SPSB4: variants seen among roughly 807,000 people sequenced by gnomAD.
The protein encoded by SPSB4 is splA/ryanodine receptor domain and SOCS box containing 4.
A neutral mutation model predicts 20.9 loss-of-function variants in SPSB4; 21 were observed. The ratio of observed to expected loss-of-function variants is 1.01; its 90% CI spans 0.71 to 1.45. The LOEUF (loss-of-function observed/expected upper bound fraction) is 1.45. SPSB4 is among the 40% of genes most tolerant of loss of function. The probability of loss-of-function intolerance (pLI) is 0.00; values close to 1 mark genes in which losing one functional copy is unlikely to be tolerated. For synonymous variants in SPSB4, 207 were observed against 183.8 expected, an observed-to-expected ratio of 1.13 and a Z score of -1.02; for missense variants, 399 against 399.2, an observed-to-expected ratio of 1.00 and a Z score of 0.00.
intron 2 of SPSB4, among the ~76,000 whole-genome samples, chr3:141,146,728 T>C (rs1378235296): frequency 2.6e-5 from 4 of 150,984 alleles, no homozygotes; most frequent in East Asian, 2.0e-4. Flanking sequence ...GAGCCCAGAT[T>C]GTGCCACTGC....
At position 141,098,982 on chromosome 3, in the gene SPSB4, G is replaced by T. The variant is rs546184480; in HGVS notation, c.694+32184G>T. Among the ~76,000 whole-genome samples the T allele has an allele frequency of 2.6e-5, 4 of 152,114 alleles. No homozygotes were observed. The South Asian group carries it at 8.3e-4, about 32-fold the overall frequency. ...GAGCACATGAAAAAGAGACCAGATGGGGCCAGACATCCTTTTATCAGGAGG... is the reference window on the plus strand; with the variant it reads ...GAGCACATGAAAAAGAGACCAGATGTGGCCAGACATCCTTTTATCAGGAGG... On this transcript the variant is annotated intron_variant, in intron 2 of 2. Coordinates refer to ENST00000310546, the MANE Select transcript of SPSB4 (RefSeq NM_080862.3).
Position 141,147,468 on chromosome 3 carries a change from A to G in SPSB4, c.*199A>G. 1 of 842,610 alleles carries G rather than the reference A, an allele frequency of 1.2e-6. No individual in the cohort carries two copies. The highest frequency in any genetic ancestry group is 1.8e-6 in the Non-Finnish European group (1 of 570,130). 52.2% of individuals were successfully genotyped at this position (842,610 alleles called of 1,614,324 possible). The stretch of plus-strand genomic sequence containing the variant: ...TTGCCAACAGTATCTACTGCCCTCG[A>G]GGCAGCCCTCCCAAGTCAGACACCT... On this transcript the variant is annotated 3_prime_UTR_variant, in exon 3 of 3. Transcript: ENST00000310546.
At chr3:141,140,418 A>T (rs910300554) in intron 2 of SPSB4, among the ~76,000 whole-genome samples, 1 of 151,832 alleles carries the variant, frequency 6.6e-6, no homozygotes, top group Non-Finnish European at 1.5e-5. Flanking sequence ...TGAGTTTTAG[A>T]GTTTCCAGTT....
intron 2 of SPSB4, among the ~76,000 whole-genome samples, chr3:141,084,818 T>G (rs946349355): frequency 6.6e-6 from 1 of 152,266 alleles, no homozygotes; most frequent in Non-Finnish European, 1.5e-5. Context: ...CAGATGCTCA[T>G]TCATACCTTG....
chr3:141,135,072 A>G (rs918896006), intron 2 of SPSB4, among the ~76,000 whole-genome samples: 2 of 151,996 alleles, frequency 1.3e-5, no homozygotes, highest in African/African-American at 4.8e-5. Flanking sequence ...AATAGCACCA[A>G]CAACCCCAGC....
chr3:141,083,861 T>G (rs2107788134), intron 2 of SPSB4, among the ~76,000 whole-genome samples: 1 of 152,154 alleles, frequency 6.6e-6, no homozygotes, highest in South Asian at 2.1e-4. Flanking sequence ...CTGAGACTCC[T>G]CGTTTGACTC....
chr3:141,133,350 G>A (rs557660663), intron 2 of SPSB4, among the ~76,000 whole-genome samples: 37 of 152,084 alleles, frequency 2.4e-4, no homozygotes, highest in Admixed American at 2.4e-3. Context: ...TTAGGTTCTT[G>A]GTCATGAACT....
At position 141,067,711 on chromosome 3, in the gene SPSB4, G is replaced by T. The variant is rs532394974; in HGVS notation, c.694+913G>T. Among the ~76,000 whole-genome samples the T allele has an allele frequency of 6.6e-5, 10 of 152,316 alleles. No individual in the cohort carries two copies. In the East Asian group the frequency reaches 1.9e-3, roughly 29 times the overall value. Reference sequence around the variant, plus strand: ...CCTCTGGACAGAGGCACACGTGGCTGCCTGTCCTGAGTTGAATCCCAGCTG... The same window carrying T: ...CCTCTGGACAGAGGCACACGTGGCTTCCTGTCCTGAGTTGAATCCCAGCTG... On this transcript the variant is annotated intron_variant, in intron 2 of 2. Transcript: ENST00000310546.
At chr3:141,082,648 T>TA (rs1213384938) in intron 2 of SPSB4, among the ~76,000 whole-genome samples, 1 of 152,156 alleles carries the variant, frequency 6.6e-6, no homozygotes, top group Non-Finnish European at 1.5e-5. Context: ...TCTATCTATC[T>TA]ATCTATCTAT....
intron 1 of SPSB4, among the ~76,000 whole-genome samples, chr3:141,053,549 G>T (rs1402005057): frequency 6.6e-6 from 1 of 152,076 alleles, no homozygotes; most frequent in Non-Finnish European, 1.5e-5. Flanking sequence ...TGTCACATAT[G>T]ACATATACCA....
At chr3:141,106,531 G>A (rs1446517613) in intron 2 of SPSB4, among the ~76,000 whole-genome samples, 1 of 152,230 alleles carries the variant, frequency 6.6e-6, no homozygotes, top group Middle Eastern at 3.2e-3. Context: ...AAGAAACCAA[G>A]TTCAGGGTCT....
intron 2 of SPSB4, among the ~76,000 whole-genome samples, chr3:141,144,385 G>A (rs1043940419): frequency 6.6e-6 from 1 of 152,188 alleles, no homozygotes; most frequent in Non-Finnish European, 1.5e-5. Flanking sequence ...TCTAAGAATA[G>A]CTCCCATACT....
intron 2 of SPSB4, among the ~76,000 whole-genome samples, chr3:141,140,263 T>C (rs1327453238): frequency 6.6e-6 from 1 of 152,220 alleles, no homozygotes; most frequent in African/African-American, 2.4e-5. Context: ...TTTTAACTTC[T>C]TTGCCATTGG....
chr3:141,089,160 GA>G (rs1406071600), intron 2 of SPSB4, among the ~76,000 whole-genome samples: 3 of 152,192 alleles, frequency 2.0e-5, no homozygotes, highest in Non-Finnish European at 4.4e-5. Flanking sequence ...ACCCAAGCCA[GA>G]GGCTACTGGT....
chr3:141,128,267 T>G (rs775325316), intron 2 of SPSB4, among the ~76,000 whole-genome samples: 55 of 151,896 alleles, frequency 3.6e-4, no homozygotes, highest in Non-Finnish European at 5.9e-4. Context: ...GATCTGGCAG[T>G]CAAGAATCAG....
intron 2 of SPSB4, among the ~76,000 whole-genome samples, chr3:141,134,882 CTTT>C (rs759838468): frequency 7.3e-6 from 1 of 136,174 alleles, no homozygotes; most frequent in Non-Finnish European, 1.6e-5. Context: ...GGAATAGTTT[CTTT>C]TTTTTTTTTT....
At chr3:141,111,407 T>G (rs1384128018) in intron 2 of SPSB4, among the ~76,000 whole-genome samples, 1 of 130,534 alleles carries the variant, frequency 7.7e-6, no homozygotes, top group Non-Finnish European at 1.6e-5. Flanking sequence ...CCTGTAGTAC[T>G]TCCCTCATGG....
intron 2 of SPSB4, among the ~76,000 whole-genome samples, chr3:141,076,253 G>A (rs527482299): frequency 2.0e-5 from 3 of 152,272 alleles, no homozygotes; most frequent in South Asian, 2.1e-4. Flanking sequence ...CCCTGCTCCC[G>A]ACAAGGCAGC....
chr3:141,146,869 C>T (rs1050550315), intron 2 of SPSB4, among the ~76,000 whole-genome samples: 1 of 152,006 alleles, frequency 6.6e-6, no homozygotes, highest in Non-Finnish European at 1.5e-5. Flanking sequence ...GTATTGCTCC[C>T]ATTTTCTCTT....
Sources: gnomAD v4.1 joint callset for allele counts (sites outside exome capture counted in the v4.1 genomes callset) on GRCh38, gnomAD v4.1.1 for gene constraint, MANE v1.5 for transcripts, NCBI Gene and HGNC (gene_info 2026-07-23, HGNC 2026-07-21) for gene names.